Variants in GOLGA8B observed in about 807,000 individuals in gnomAD.
The protein encoded by GOLGA8B is golgin A8 family member B.
In GOLGA8B, 1 loss-of-function variant was observed where a neutral mutation model predicts 15.6. That is an observed-to-expected ratio of 0.06 (90% confidence interval 0.02 to 0.30). The LOEUF (loss-of-function observed/expected upper bound fraction) is 0.30. Among genes scored for constraint, GOLGA8B ranks in the 10% least tolerant of loss-of-function variants. The probability of loss-of-function intolerance (pLI) is 1.00; values close to 1 mark genes in which losing one functional copy is unlikely to be tolerated. For synonymous variants in GOLGA8B, 9 were observed against 80.3 expected, an observed-to-expected ratio of 0.11 and a Z score of 4.75; for missense variants, 17 against 201.3, an observed-to-expected ratio of 0.08 and a Z score of 5.54.
chr15:34,578,810 A>T (rs1334150910), intron 1 of GOLGA8B, among the ~76,000 whole-genome samples: 6 of 152,176 alleles, frequency 3.9e-5, no homozygotes, highest in Non-Finnish European at 7.3e-5. Context: ...CACTCAACGC[A>T]GGTATCTCAA....
At chr15:34,573,398 G>C (rs1888975385) in intron 1 of GOLGA8B, among the ~76,000 whole-genome samples, 1 of 151,824 alleles carries the variant, frequency 6.6e-6, no homozygotes, top group African/African-American at 2.4e-5. Context: ...TTAGCCGGGA[G>C]GGGTGGCGGG....
intron 1 of GOLGA8B, among the ~76,000 whole-genome samples, chr15:34,570,760 G>A (rs1888893896): frequency 9.0e-6 from 1 of 110,774 alleles, no homozygotes; most frequent in African/African-American, 3.0e-5. Flanking sequence ...CTTTTCTACA[G>A]ACCAGCCATG....
intron 4 of GOLGA8B, among the ~76,000 whole-genome samples, chr15:34,548,081 TCCA>T (rs1344341350): frequency 6.6e-6 from 1 of 152,000 alleles, no homozygotes; most frequent in East Asian, 1.9e-4. Context: ...GGAGTATATA[TCCA>T]CAAGATTCCT....
intron 1 of GOLGA8B, among the ~76,000 whole-genome samples, chr15:34,577,661 A>G (rs1889119997): frequency 6.6e-6 from 1 of 152,172 alleles, no homozygotes; most frequent in Non-Finnish European, 1.5e-5. Flanking sequence ...CAAACCTACT[A>G]CAACACACTA....
At chr15:34,569,472 T>A (rs933506312) in intron 1 of GOLGA8B, among the ~76,000 whole-genome samples, 3 of 151,444 alleles carry the variant, frequency 2.0e-5, no homozygotes, top group African/African-American at 7.3e-5. Flanking sequence ...CAGGGCAACA[T>A]GGGGCCACAT....
intron 1 of GOLGA8B, among the ~76,000 whole-genome samples, chr15:34,564,370 A>AG (rs1402744365): frequency 6.6e-6 from 1 of 151,444 alleles, no homozygotes; most frequent in African/African-American, 2.4e-5. Context: ...AAAAAAAAAA[A>AG]AAAAAAAAGG....
intron 1 of GOLGA8B, among the ~76,000 whole-genome samples, chr15:34,576,836 C>T (rs1429158556): frequency 6.6e-6 from 1 of 152,204 alleles, no homozygotes; most frequent in Non-Finnish European, 1.5e-5. Context: ...GAGGTAGTGC[C>T]AAGTGTCTGA....
chr15:34,557,682 G>GTGTA lies in GOLGA8B; in HGVS notation c.-1122-3727_-1122-3726insTACA, dbSNP rs1888529682. 2.9e-5 allele frequency among the ~76,000 whole-genome samples: 3 copies of GTGTA among 104,626 alleles called. 1 individual carries two copies. Among genetic ancestry groups the GTGTA allele is most frequent in the Non-Finnish European group, 6.2e-5 (3 of 48,298 alleles). 68.6% of individuals were successfully genotyped at this position (104,626 alleles called of 152,430 possible). A position where few individuals can be genotyped will look rare whatever the true frequency, so the allele number is the denominator to read the frequency against. On this transcript the variant is annotated intron_variant, in intron 1 of 23. Coordinates refer to ENST00000683415, the MANE Select transcript of GOLGA8B (RefSeq NM_001023567.5). Reference sequence around the variant, plus strand: ...TGTGTGTGTGTGTGTGTGTGTGTGTGTCTGTGTACTGAGAGCTTGGGTTTG... The same window carrying GTGTA: ...TGTGTGTGTGTGTGTGTGTGTGTGTGTGTATCTGTGTACTGAGAGCTTGGGTTTG...
At chr15:34,572,617 A>G (rs1888952763) in intron 1 of GOLGA8B, among the ~76,000 whole-genome samples, 1 of 152,254 alleles carries the variant, frequency 6.6e-6, no homozygotes, top group Non-Finnish European at 1.5e-5. Context: ...CAGACAGAAA[A>G]GAAAATGGGA....
intron 1 of GOLGA8B, among the ~76,000 whole-genome samples, chr15:34,571,599 T>C (rs998963273): frequency 1.4e-5 from 2 of 138,024 alleles, no homozygotes; most frequent in African/African-American, 5.2e-5. Context: ...GACTAGGAAA[T>C]TAGGTTGGAA....
chr15:34,542,524 C>CA (rs1888223370), intron 7 of GOLGA8B, among the ~76,000 whole-genome samples: 1 of 148,006 alleles, frequency 6.8e-6, no homozygotes, highest in South Asian at 2.1e-4. Flanking sequence ...TTGAAATCTC[C>CA]AAATACAATG....
intron 1 of GOLGA8B, among the ~76,000 whole-genome samples, chr15:34,574,303 CTT>C (rs112808701): frequency 0.18 from 25,995 of 144,334 alleles, 2,494 homozygotes; most frequent in Non-Finnish European, 0.26. Flanking sequence ...TCAAATCAGA[CTT>C]TTTTTTTTTT....
intron 1 of GOLGA8B, among the ~76,000 whole-genome samples, chr15:34,573,185 AGTT>A (rs1346804683): frequency 2.6e-5 from 4 of 152,220 alleles, no homozygotes; most frequent in Non-Finnish European, 5.9e-5. Flanking sequence ...AGCAGCCTCT[AGTT>A]GTTAAAGACT....
At chr15:34,549,140 T>C (rs1888348063) in intron 4 of GOLGA8B, among the ~76,000 whole-genome samples, 1 of 58,828 alleles carries the variant, frequency 1.7e-5, no homozygotes, top group African/African-American at 5.9e-5. Context: ...GAGTTCACTC[T>C]ATCAAGAAAA....
chr15:34,570,287 C>T (rs146578938), intron 1 of GOLGA8B, among the ~76,000 whole-genome samples: 1 of 148,650 alleles, frequency 6.7e-6, no homozygotes, highest in South Asian at 2.2e-4. Context: ...AAAGCCACAT[C>T]CTCTAAGGCC....
Position 34,583,624 on chromosome 15 carries a change from C to T in GOLGA8B, c.-1231G>A, listed in dbSNP as rs1167043225. On this transcript the variant is annotated 5_prime_UTR_variant, in exon 1 of 24. Transcript: ENST00000683415. Reference sequence around the variant, plus strand: ...AGAGCCCGCACGTAGCGGCACACCGCGACTGCTAATTAGCCCGGAAGCTGA... The same window carrying T: ...AGAGCCCGCACGTAGCGGCACACCGTGACTGCTAATTAGCCCGGAAGCTGA... The T allele has an allele frequency of 1.3e-5, 2 of 152,202 alleles. No individual in the cohort carries two copies. The highest frequency in any genetic ancestry group is 1.5e-5 in the Non-Finnish European group (1 of 68,062). The allele number at this position is 152,202 out of a possible 1,614,324, so 9.4% of individuals were successfully genotyped here.
In GOLGA8B at chr15:34,583,499, A is replaced by G. The variant is rs1435632397; in HGVS notation, c.-1123+17T>C. 2 of 151,110 alleles carry G rather than the reference A, an allele frequency of 1.3e-5. No homozygotes were observed. Among genetic ancestry groups the G allele is most frequent in the Non-Finnish European group, 3.0e-5 (2 of 67,762 alleles). The allele number at this position is 151,110 out of a possible 1,614,324, so 9.4% of individuals were successfully genotyped here. On this transcript the variant is annotated intron_variant, in intron 1 of 23. Transcript: ENST00000683415. ...GCCGCCGCCAGGGAGTCAGGCAGCC[A>G]AGGTTCCCCAGCTTACCTGGCCAGG... is the stretch of plus-strand genomic sequence containing the variant.
chr15:34,577,642 T>C (rs1345737104), intron 1 of GOLGA8B, among the ~76,000 whole-genome samples: 1 of 151,826 alleles, frequency 6.6e-6, no homozygotes, highest in Non-Finnish European at 1.5e-5. Flanking sequence ...TCATAGAGCA[T>C]ACATTATACA....
intron 1 of GOLGA8B, among the ~76,000 whole-genome samples, chr15:34,581,280 C>T (rs542669532): frequency 6.6e-6 from 1 of 152,212 alleles, no homozygotes; most frequent in Non-Finnish European, 1.5e-5. Flanking sequence ...GTTCAACCCC[C>T]ACTCTCCCCA....
Sources: allele counts gnomAD v4.1 joint callset (sites outside exome capture counted in the v4.1 genomes callset), GRCh38; gene constraint gnomAD v4.1.1; transcripts MANE v1.5; gene names NCBI Gene and HGNC (gene_info 2026-07-23, HGNC 2026-07-21).